Variants in MPP4 observed in about 807,000 individuals in gnomAD.
The protein encoded by MPP4 is MAGUK p55 scaffold protein 4, also known as MAGUK p55 subfamily member 4.
MPP4 carries 91 observed loss-of-function variants against 98.3 expected under a neutral mutation model. The ratio of observed to expected loss-of-function variants is 0.93; its 90% CI spans 0.78 to 1.10. The LOEUF (loss-of-function observed/expected upper bound fraction) is 1.10. Ranked by LOEUF, MPP4 falls within the 50% of genes least tolerant of loss-of-function variation. The pLI is 0.00. For missense variants in MPP4, 744 were observed against 792.9 expected (o/e 0.94, Z 0.74); for synonymous variants, 261 against 271.8 (o/e 0.96, Z 0.39).
chr2:201,696,200 T>A (rs1019995086), intron 1 of MPP4, among the ~76,000 whole-genome samples: 10 of 152,320 alleles, frequency 6.6e-5, no homozygotes, highest in African/African-American at 2.4e-4. Flanking sequence ...AAGCTTGACA[T>A]CGTTATGCTT....
intron 4 of MPP4, among the ~76,000 whole-genome samples, 198 bp downstream of exon 4, chr2:201,690,004 G>T (rs749930787): frequency 3.3e-5 from 5 of 152,192 alleles, no homozygotes; most frequent in Non-Finnish European, 7.3e-5. Flanking sequence ...GACGTGGGTG[G>T]TGGTGGGGAG....
intron 8 of MPP4, among the ~76,000 whole-genome samples, chr2:201,681,775 GT>G (rs1688672231): frequency 6.6e-6 from 1 of 151,596 alleles, no homozygotes; most frequent in East Asian, 1.9e-4. Flanking sequence ...TGGTTCTGGG[GT>G]CGCTGGTCTG....
rs1396532355 is a variant in MPP4 at position 201,647,791 on chromosome 2, G to A, written c.1619C>T (p.Pro540Leu). Residue 540 changes from proline (P) to leucine (L), a missense_variant, in exon 21 of 22, where the codon CCC becomes CTC. Pro to Leu is a moderately conservative substitution (Grantham distance 98). Coordinates refer to ENST00000409474, the MANE Select transcript of MPP4 (RefSeq NM_033066.3). Reference protein sequence around the residue: ...IQGVRTHELKPYVIFIKPSNM... With the variant: ...IQGVRTHELKLYVIFIKPSNM... ...CGATGGCTTTATAAATATGACATAG[G>A]GCTTCAGTTCATGGGTTCGAACCCC... 1 of 1,613,648 alleles carries A rather than the reference G, an allele frequency of 6.2e-7. No individual in the cohort carries two copies. Among genetic ancestry groups the A allele is most frequent in the Admixed American group, 1.7e-5 (1 of 59,998 alleles).
chr2:201,669,121 T>A (rs927625297), intron 12 of MPP4, among the ~76,000 whole-genome samples: 33 of 100,802 alleles, frequency 3.3e-4, no homozygotes, highest in African/African-American at 9.6e-4. Context: ...TGTGTGTGTG[T>A]GAGAGAGAGA....
intron 12 of MPP4, 175 bp from the exon 13 acceptor site, chr2:201,666,547 C>T (rs1688180678): frequency 2.1e-6 from 1 of 485,808 alleles, no homozygotes; most frequent in African/African-American, 2.0e-5. Flanking sequence ...ATGGTGAAAC[C>T]ATGTCTCTAC....
chr2:201,647,201 C>T (rs1038204320), intron 21 of MPP4, among the ~76,000 whole-genome samples: 6 of 152,182 alleles, frequency 3.9e-5, no homozygotes, highest in Admixed American at 2.6e-4. Context: ...TTACCATCAT[C>T]ATTTTACAGA....
chr2:201,682,171 C>G (rs1009988817), intron 8 of MPP4, among the ~76,000 whole-genome samples: 6 of 152,216 alleles, frequency 3.9e-5, no homozygotes, highest in African/African-American at 1.4e-4. Flanking sequence ...ACTGTCCCGG[C>G]AACATCACAG....
intron 10 of MPP4, among the ~76,000 whole-genome samples, chr2:201,677,617 A>G (rs916833874): frequency 6.6e-6 from 1 of 152,188 alleles, no homozygotes; most frequent in African/African-American, 2.4e-5. Flanking sequence ...CTCATTCACT[A>G]TTCCTAAGCA....
intron 14 of MPP4, chr2:201,661,676 C>G (rs187056960): frequency 2.2e-6 from 1 of 448,528 alleles, no homozygotes; most frequent in East Asian, 7.0e-5. Flanking sequence ...GTTCTAAGCA[C>G]TTTATTCATA....
chr2:201,656,138 C>A, intron 17 of MPP4, 60 bp downstream of exon 17: 3 of 1,490,504 alleles, frequency 2.0e-6, no homozygotes, highest in Non-Finnish European at 2.7e-6. Flanking sequence ...ATGCAAGACA[C>A]CTGAATCTAG....
At chr2:201,689,879 C>G (rs1338455864) in intron 4 of MPP4, among the ~76,000 whole-genome samples, 5 of 152,178 alleles carry the variant, frequency 3.3e-5, no homozygotes, top group East Asian at 1.9e-4. Context: ...TTAGGGAAAT[C>G]TCCAGGCTAG....
At chr2:201,664,488 C>T (rs763004965) in intron 13 of MPP4, among the ~76,000 whole-genome samples, 15 of 152,302 alleles carry the variant, frequency 9.8e-5, no homozygotes, top group African/African-American at 3.4e-4. Flanking sequence ...AGGAGGGGTG[C>T]ACCCTGCCTG....
intron 12 of MPP4, 120 bp from the exon 13 acceptor site, chr2:201,666,492 G>A (rs1184197793): frequency 1.2e-5 from 8 of 685,918 alleles, no homozygotes; most frequent in South Asian, 8.9e-5. Context: ...AGGCCGAGGC[G>A]GGCGGATCAC....
rs80311108 is a variant in MPP4 at position 201,698,173 on chromosome 2, G to A, written c.-101+414C>T. On this transcript the variant is annotated intron_variant, in intron 1 of 21. Transcript: ENST00000409474. ...AGTATTTCCATTAGCTTTTTAAAAC[G>A]TACTATTAAATGCCACAACCCCCTA... 21 of 771,460 alleles carry A rather than the reference G, an allele frequency of 2.7e-5. No homozygotes were observed. In the Admixed American group the frequency reaches 7.4e-4, roughly 27 times the overall value. The allele number at this position is 771,460 out of a possible 1,614,324, so 47.8% of individuals were successfully genotyped here. A position where few individuals can be genotyped will look rare whatever the true frequency, so the allele number is the denominator to read the frequency against.
rs77514962 is a variant in MPP4, at chr2:201,680,713, A to AGT, written c.929+123_929+124dup. ...AAGTTGACATTTGGATTTATAAACCAGTGTGTGTGTGTTCATTCATCTGCT... is the reference window on the plus strand; with the variant it reads ...AAGTTGACATTTGGATTTATAAACCAGTGTGTGTGTGTGTTCATTCATCTGCT... On this transcript the variant is annotated intron_variant, in intron 10 of 21. Transcript: ENST00000409474. 2.0e-3 allele frequency: 1,515 copies of AGT among 767,962 alleles called. 11 individuals are homozygous for AGT. The highest frequency in any genetic ancestry group is 0.02 in the Admixed American group (696 of 35,464). 47.6% of individuals were successfully genotyped at this position (767,962 alleles called of 1,614,324 possible). A position where few individuals can be genotyped will look rare whatever the true frequency, so the allele number is the denominator to read the frequency against.
intron 14 of MPP4, among the ~76,000 whole-genome samples, chr2:201,663,050 A>G (rs1398239320): frequency 1.3e-5 from 2 of 152,244 alleles, no homozygotes; most frequent in African/African-American, 4.8e-5. Flanking sequence ...CAGTTTATTT[A>G]CTAGCAATAT....
At chr2:201,657,355 G>A (rs754915255) in intron 16 of MPP4, among the ~76,000 whole-genome samples, 4 of 152,158 alleles carry the variant, frequency 2.6e-5, no homozygotes, top group African/African-American at 9.7e-5. Context: ...GAATCATAGG[G>A]CTTTCTGGTA....
chr2:201,651,987 A>T, intron 18 of MPP4: 1 of 967,610 alleles, frequency 1.0e-6, no homozygotes, highest in Non-Finnish European at 1.2e-6. Context: ...AAAAAAAGAA[A>T]GAAAAGGAAA....
chr2:201,657,289 T>C (rs556639622), intron 16 of MPP4, among the ~76,000 whole-genome samples: 1 of 152,284 alleles, frequency 6.6e-6, no homozygotes, highest in African/African-American at 2.4e-5. Flanking sequence ...CAGTGCAAAG[T>C]TGGACACATG....
Sources: allele counts gnomAD v4.1 joint callset (sites outside exome capture counted in the v4.1 genomes callset), GRCh38; gene constraint gnomAD v4.1.1; transcripts MANE v1.5; gene names NCBI Gene and HGNC (gene_info 2026-07-23, HGNC 2026-07-21).